Variants in BMERB1 observed in about 807,000 individuals in gnomAD.
The protein encoded by BMERB1 is bMERB domain-containing protein 1.
A neutral mutation model predicts 23.6 loss-of-function variants in BMERB1; 12 were observed. That is an observed-to-expected ratio of 0.51 (90% CI 0.33 to 0.82). The LOEUF is 0.82. Among genes scored for constraint, BMERB1 ranks in the 40% least tolerant of loss-of-function variants. BMERB1 has a pLI of 0.03. For missense variants in BMERB1, 247 were observed against 255.4 expected, an observed-to-expected ratio of 0.97 and a Z score of 0.22; for synonymous variants, 122 against 96.6, an observed-to-expected ratio of 1.26 and a Z score of -1.54.
chr16:15,484,886 C>T (rs548304870), intron 1 of BMERB1, among the ~76,000 whole-genome samples: 1 of 152,200 alleles, frequency 6.6e-6, no homozygotes, highest in Non-Finnish European at 1.5e-5. Flanking sequence ...CCACAGTAGT[C>T]ACTGTACTTC....
At chr16:15,554,635 A>ATT (rs2030194228) in intron 2 of BMERB1, among the ~76,000 whole-genome samples, 1 of 149,708 alleles carries the variant, frequency 6.7e-6, no homozygotes, top group Non-Finnish European at 1.5e-5. Flanking sequence ...CCTGCCTCTA[A>ATT]AAAAGAAAAA....
At chr16:15,497,490 A>T (rs548355604) in intron 1 of BMERB1, among the ~76,000 whole-genome samples, 83 of 152,330 alleles carry the variant, frequency 5.4e-4, no homozygotes, top group African/African-American at 1.9e-3. Context: ...GTCAATTTCT[A>T]TGTTTATCAA....
intron 1 of BMERB1, among the ~76,000 whole-genome samples, chr16:15,473,288 T>A (rs1244592511): frequency 7.6e-6 from 1 of 131,476 alleles, no homozygotes; most frequent in Non-Finnish European, 1.6e-5. Flanking sequence ...TCCTTTAGCC[T>A]TTTTTTTTTT....
chr16:15,440,843 G>A lies in BMERB1; in HGVS notation c.106+6084G>A, dbSNP rs145584926. ...TAAGACCTGGGTTGAGAGTGAAGGC[G>A]TCAAATATTACATAAGCAAACAAGT... is the stretch of plus-strand genomic sequence containing the variant. On this transcript the variant is annotated intron_variant, in intron 1 of 5. Coordinates refer to ENST00000300006, the MANE Select transcript of BMERB1 (RefSeq NM_033201.3). 3.8e-3 allele frequency among the ~76,000 whole-genome samples: 573 copies of A among 152,244 alleles called. 37 individuals carry two copies. The South Asian group carries it at 0.11, about 31-fold the overall frequency.
chr16:15,488,492 T>C (rs547881077), intron 1 of BMERB1, among the ~76,000 whole-genome samples: 85 of 152,104 alleles, frequency 5.6e-4, no homozygotes, highest in Non-Finnish European at 1.0e-3. Context: ...CCCAGATGCA[T>C]GTTGACCCCC....
intron 1 of BMERB1, among the ~76,000 whole-genome samples, chr16:15,452,514 ACCT>A (rs2051051377): frequency 6.6e-6 from 1 of 152,088 alleles, no homozygotes; most frequent in South Asian, 2.1e-4. Context: ...AGATTCAAGT[ACCT>A]GGGGGAGAAC....
At chr16:15,508,947 C>T (rs374523561) in intron 1 of BMERB1, among the ~76,000 whole-genome samples, 1 of 151,804 alleles carries the variant, frequency 6.6e-6, no homozygotes, top group Non-Finnish European at 1.5e-5. Context: ...AAGCTTTAGG[C>T]TTCGTTCCTT....
chr16:15,587,898 A>C lies in BMERB1; in HGVS notation c.*1069A>C, dbSNP rs2031193080. ...GTCGTGACCAGCCTAAGTAGTTAGC[A>C]TAACTCAAGATGCTGATGTGCAGTC... On this transcript the variant is annotated 3_prime_UTR_variant, in exon 6 of 6. Coordinates refer to ENST00000300006, the MANE Select transcript of BMERB1 (RefSeq NM_033201.3). 6.4e-6 allele frequency: 1 copy of C among 155,750 alleles called. No individual in the cohort carries two copies. The highest frequency in any genetic ancestry group is 6.4e-5 in the Admixed American group (1 of 15,514). The allele number at this position is 155,750 out of a possible 1,614,324, so 9.6% of individuals were successfully genotyped here.
intron 1 of BMERB1, among the ~76,000 whole-genome samples, chr16:15,460,512 C>A (rs1326283962): frequency 6.6e-6 from 1 of 152,146 alleles, no homozygotes; most frequent in Non-Finnish European, 1.5e-5. Context: ...TACTCATTAT[C>A]GGAGCAGGAT....
chr16:15,469,953 C>T (rs2051215200), intron 1 of BMERB1, among the ~76,000 whole-genome samples: 1 of 152,128 alleles, frequency 6.6e-6, no homozygotes, highest in Non-Finnish European at 1.5e-5. Context: ...TTTCTTCCTT[C>T]CTAATTTGTA....
chr16:15,537,119 C>A (rs1466426673), intron 2 of BMERB1, among the ~76,000 whole-genome samples: 2 of 151,990 alleles, frequency 1.3e-5, no homozygotes, highest in African/African-American at 4.8e-5. Context: ...TATTGAAGTC[C>A]GTTGATTATG....
At chr16:15,477,272 T>C (rs981780069) in intron 1 of BMERB1, among the ~76,000 whole-genome samples, 2 of 152,202 alleles carry the variant, frequency 1.3e-5, no homozygotes, top group East Asian at 1.9e-4. Flanking sequence ...CAGACACTTA[T>C]AAAACCATCA....
At chr16:15,480,548 C>T (rs1031652608) in intron 1 of BMERB1, among the ~76,000 whole-genome samples, 2 of 151,000 alleles carry the variant, frequency 1.3e-5, no homozygotes, top group African/African-American at 4.9e-5. Context: ...GATTGTGTGC[C>T]TAGACTCTTT....
chr16:15,583,722 G>A (rs2031073471), intron 5 of BMERB1, among the ~76,000 whole-genome samples: 1 of 152,074 alleles, frequency 6.6e-6, no homozygotes, highest in Non-Finnish European at 1.5e-5. Flanking sequence ...GGGCCTGCAG[G>A]CAGTTGCCTG....
intron 1 of BMERB1, among the ~76,000 whole-genome samples, chr16:15,459,467 C>T (rs572835057): frequency 6.6e-6 from 1 of 151,902 alleles, no homozygotes; most frequent in Non-Finnish European, 1.5e-5. Context: ...CATAAGAGAG[C>T]AGGAGTGGCT....
At chr16:15,511,751 C>T (rs920213189) in intron 1 of BMERB1, among the ~76,000 whole-genome samples, 7 of 152,092 alleles carry the variant, frequency 4.6e-5, no homozygotes, top group African/African-American at 1.7e-4. Flanking sequence ...GTGGCTCGCG[C>T]CTGTAATCCC....
At chr16:15,444,970 C>T (rs935227110) in intron 1 of BMERB1, among the ~76,000 whole-genome samples, 3 of 152,192 alleles carry the variant, frequency 2.0e-5, no homozygotes, top group African/African-American at 7.2e-5. Flanking sequence ...AATCACAGCT[C>T]TTGCAAGCCT....
intron 1 of BMERB1, among the ~76,000 whole-genome samples, chr16:15,456,453 C>T (rs1197704041): frequency 6.6e-6 from 1 of 151,896 alleles, no homozygotes; most frequent in Non-Finnish European, 1.5e-5. Flanking sequence ...TCTCATGCCT[C>T]AGTCACAGGA....
chr16:15,485,080 C>A (rs72774892), intron 1 of BMERB1, among the ~76,000 whole-genome samples: 1 of 152,104 alleles, frequency 6.6e-6, no homozygotes, highest in East Asian at 1.9e-4. Context: ...AGAGAGAGAT[C>A]GTTTCATTAG....
Sources: gnomAD v4.1 joint callset for allele counts (sites outside exome capture counted in the v4.1 genomes callset) on GRCh38, gnomAD v4.1.1 for gene constraint, MANE v1.5 for transcripts, NCBI Gene and HGNC (gene_info 2026-07-23, HGNC 2026-07-21) for gene names.